Variants in JMJD1C observed in about 807,000 individuals in gnomAD.
JMJD1C encodes the protein jumonji domain-containing protein 1C.
A neutral mutation model predicts 245.3 loss-of-function variants in JMJD1C; 31 were observed. That is an observed-to-expected ratio of 0.13 (90% CI 0.09 to 0.17). The LOEUF (loss-of-function observed/expected upper bound fraction) is 0.17, where lower values mean the gene tolerates loss of function less well. JMJD1C is among the 10% of genes least tolerant of loss of function. The pLI is 1.00. For synonymous variants in JMJD1C, 1,057 were observed against 1,017.4 expected, an observed-to-expected ratio of 1.04 and a Z score of -0.74; for missense variants, 2,691 against 3,000.2, an observed-to-expected ratio of 0.90 and a Z score of 2.41.
Position 63,400,935 on chromosome 10 carries a change from A to G in JMJD1C, c.169-20453T>C, listed in dbSNP as rs527331223. Among the ~76,000 whole-genome samples the G allele has an allele frequency of 1.1e-3, 163 of 152,082 alleles. 1 individual carries two copies. Among genetic ancestry groups the G allele is most frequent in the African/African-American group, 3.6e-3 (149 of 41,446 alleles). ...CACTTTTGTCACCAGGCTGGAGTGC[A>G]CTGCAACCTCCGCCTCCCGGGTTCA... On this transcript the variant is annotated intron_variant, in intron 1 of 25. Transcript: ENST00000399262.
chr10:63,188,025 C>G (rs1844334895), intron 18 of JMJD1C, among the ~76,000 whole-genome samples: 1 of 152,156 alleles, frequency 6.6e-6, no homozygotes, highest in Admixed American at 6.6e-5. Flanking sequence ...ACCTAATGTT[C>G]TTGTATATGT....
At chr10:63,460,842 T>C (rs982712327) in intron 1 of JMJD1C, among the ~76,000 whole-genome samples, 7 of 152,162 alleles carry the variant, frequency 4.6e-5, no homozygotes, top group African/African-American at 1.7e-4. Context: ...GACGATAAGG[T>C]TTCACATGGT....
intron 4 of JMJD1C, among the ~76,000 whole-genome samples, chr10:63,219,374 A>C (rs1441584316): frequency 6.6e-6 from 1 of 152,214 alleles, no homozygotes. Context: ...ACATGATTTT[A>C]CTGACAGAAA....
chr10:63,203,902 T>C (rs371870475), intron 10 of JMJD1C: 26 of 980,098 alleles, frequency 2.7e-5, no homozygotes, highest in East Asian at 2.3e-4. Context: ...TACTAAACAA[T>C]AGAAAGAAAA....
chr10:63,254,896 C>T (rs959019258), intron 3 of JMJD1C, among the ~76,000 whole-genome samples: 3 of 151,560 alleles, frequency 2.0e-5, no homozygotes, highest in Admixed American at 6.6e-5. Flanking sequence ...CTCTGTCACC[C>T]AGGCTCAAGT....
At chr10:63,392,065 C>A (rs1480044614) in intron 1 of JMJD1C, among the ~76,000 whole-genome samples, 1 of 152,198 alleles carries the variant, frequency 6.6e-6, no homozygotes, top group Non-Finnish European at 1.5e-5. Context: ...TTTGCAAACA[C>A]CGTCTCACAG....
intron 1 of JMJD1C, among the ~76,000 whole-genome samples, chr10:63,403,189 C>A (rs1589680734): frequency 6.6e-6 from 1 of 152,298 alleles, no homozygotes; most frequent in East Asian, 1.9e-4. Context: ...ATGCCCAAAG[C>A]TAGTATAAGT....
chr10:63,247,189 A>G (rs559118536), intron 3 of JMJD1C, among the ~76,000 whole-genome samples: 1 of 151,826 alleles, frequency 6.6e-6, no homozygotes, highest in Non-Finnish European at 1.5e-5. Context: ...AGATAGATAA[A>G]ATCAATAAAT....
At position 63,226,714 on chromosome 10, in the gene JMJD1C, CAAAAA is replaced by C. The variant is rs35375607; in HGVS notation, c.448-6736_448-6732del. On this transcript the variant is annotated intron_variant, in intron 3 of 25. Transcript: ENST00000399262. ...TGGGCGACAAAGCACAACCCTGTTT[CAAAAA>C]AAAAAAAAAAAAAAAAGAGAGAGAG... 9.8e-3 allele frequency among the ~76,000 whole-genome samples: 830 copies of C among 84,932 alleles called. 5 individuals carry two copies. Among genetic ancestry groups the C allele is most frequent in the Middle Eastern group, 0.024 (3 of 126 alleles). The allele number at this position is 84,932 out of a possible 152,430, so 55.7% of individuals were successfully genotyped here.
rs1338884453 is a variant in JMJD1C, at chr10:63,208,439, A to G, written c.3230T>C (p.Leu1077Pro). The change falls in exon 10 of 26, where the codon CTT becomes CCT. Residue 1077 changes from leucine to proline, a missense_variant. Around this residue, in one of 9 missense-constraint regions of JMJD1C, gnomAD observed 1,562 missense variants for 1,490.7 expected, o/e 1.05. Transcript: ENST00000399262. ...DMDVERSVSD[L>P]YKMKHSVPQS... ...AGGCACTGAGTGCTTCATTTTATAAAGATCTGATACTGAGCGTTCTACATC... is the reference window on the plus strand; with the variant it reads ...AGGCACTGAGTGCTTCATTTTATAAGGATCTGATACTGAGCGTTCTACATC... 9 of 1,613,978 alleles carry G rather than the reference A, an allele frequency of 5.6e-6. No individual in the cohort carries two copies. Among genetic ancestry groups the G allele is most frequent in the Non-Finnish European group, 7.6e-6 (9 of 1,179,972 alleles).
intron 3 of JMJD1C, among the ~76,000 whole-genome samples, chr10:63,220,612 TTCTC>T (rs957152586): frequency 1.3e-5 from 2 of 152,198 alleles, no homozygotes; most frequent in Admixed American, 1.3e-4. Context: ...AAACAACCAA[TTCTC>T]TCTCATTGGA....
Position 63,207,509 on chromosome 10 carries a change from G to T in JMJD1C, c.4160C>A (p.Ala1387Asp), listed in dbSNP as rs1456506094. 6.2e-7 allele frequency: 1 copy of T among 1,614,058 alleles called. No individual in the cohort carries two copies. Among genetic ancestry groups the T allele is most frequent in the African/African-American group, 1.3e-5 (1 of 74,930 alleles). Residue 1387 changes from alanine to aspartate, a missense_variant, in exon 10 of 26, where the codon GCT becomes GAT. By Grantham distance (126) the Ala-to-Asp change is moderately radical (BLOSUM62 -2). Around this residue, in one of 9 missense-constraint regions of JMJD1C, gnomAD observed 1,562 missense variants for 1,490.7 expected, o/e 1.05. Coordinates refer to ENST00000399262, the MANE Select transcript of JMJD1C (RefSeq NM_032776.3). ...TTTGGTATTACACATCGTATTTACA[G>T]CAGACATGACTGAACTGGGAACACT... Reference protein sequence around the residue: ...QGSVPSSVMSAVNTMCNTKTD... With the variant: ...QGSVPSSVMSDVNTMCNTKTD...
intron 2 of JMJD1C, among the ~76,000 whole-genome samples, chr10:63,362,864 A>C (rs1945507373): frequency 6.6e-6 from 1 of 152,174 alleles, no homozygotes; most frequent in African/African-American, 2.4e-5. Flanking sequence ...TTCATAATTA[A>C]GCATGAGGCA....
chr10:63,228,246 T>C (rs1460983546), intron 3 of JMJD1C, among the ~76,000 whole-genome samples: 17 of 152,348 alleles, frequency 1.1e-4, no homozygotes, highest in Admixed American at 3.9e-4. Flanking sequence ...TGAATGAGCA[T>C]GGCTATGTTC....
At chr10:63,322,174 C>G (rs575110779) in intron 2 of JMJD1C, among the ~76,000 whole-genome samples, 2 of 152,230 alleles carry the variant, frequency 1.3e-5, no homozygotes, top group African/African-American at 4.8e-5. Flanking sequence ...TGGGAAAGCT[C>G]TTTTCAAATG....
chr10:63,448,839 C>T (rs1951862314), intron 1 of JMJD1C, among the ~76,000 whole-genome samples: 1 of 151,986 alleles, frequency 6.6e-6, no homozygotes, highest in Admixed American at 6.6e-5. Flanking sequence ...TTCAGGAGGT[C>T]GGGCGCGGTG....
intron 2 of JMJD1C, among the ~76,000 whole-genome samples, chr10:63,313,486 C>T (rs1564772474): frequency 6.6e-6 from 1 of 152,308 alleles, no homozygotes. Context: ...GATCCCACTA[C>T]TGGGTATGGT....
intron 2 of JMJD1C, among the ~76,000 whole-genome samples, chr10:63,309,885 C>G (rs571270227): frequency 6.6e-6 from 1 of 152,122 alleles, no homozygotes; most frequent in Non-Finnish European, 1.5e-5. Context: ...CCATTGCACT[C>G]CAGCCTGGGC....
intron 3 of JMJD1C, among the ~76,000 whole-genome samples, chr10:63,244,288 TG>T (rs1210571778): frequency 1.3e-5 from 2 of 152,176 alleles, no homozygotes; most frequent in Non-Finnish European, 2.9e-5. Context: ...TTGGGACCAC[TG>T]CAATTTGGGA....
Sources: gnomAD v4.1 joint callset for allele counts (sites outside exome capture counted in the v4.1 genomes callset) on GRCh38, gnomAD v4.1.1 for gene constraint, gnomAD v4.1.1 regional missense constraint, MANE v1.5 for transcripts, NCBI Gene and HGNC (gene_info 2026-07-23, HGNC 2026-07-21) for gene names.